SLC22A3: variants seen among roughly 807,000 people sequenced by gnomAD.
SLC22A3 encodes the protein EMT organic cation transporter 3.
SLC22A3 carries 51 observed loss-of-function variants against 59.1 expected under a neutral mutation model. The observed-to-expected ratio is 0.86, with a 90% CI of 0.69 to 1.09. The LOEUF (loss-of-function observed/expected upper bound fraction) is 1.09, where lower values mean the gene tolerates loss of function less well. SLC22A3 is among the 50% of genes least tolerant of loss of function. The pLI is 0.00. For synonymous variants in SLC22A3, 325 were observed against 292.0 expected, an observed-to-expected ratio of 1.11 and a Z score of -1.15; for missense variants, 711 against 726.3, an observed-to-expected ratio of 0.98 and a Z score of 0.24.
At chr6:160,418,544 G>C (rs1787602479) in intron 5 of SLC22A3, among the ~76,000 whole-genome samples, 1 of 152,098 alleles carries the variant, frequency 6.6e-6, no homozygotes, top group African/African-American at 2.4e-5. Flanking sequence ...TATCAGTTTT[G>C]TCCCTCTAGA....
chr6:160,400,830 G>A (rs1452770286), intron 2 of SLC22A3, among the ~76,000 whole-genome samples: 3 of 151,756 alleles, frequency 2.0e-5, no homozygotes, highest in African/African-American at 7.3e-5. Context: ...TAGAGAGATG[G>A]AAATTCTAAA....
At chr6:160,391,187 G>T (rs936877967) in intron 1 of SLC22A3, among the ~76,000 whole-genome samples, 1 of 152,306 alleles carries the variant, frequency 6.6e-6, no homozygotes, top group Non-Finnish European at 1.5e-5. Flanking sequence ...AATGTAGGGT[G>T]TTGAGGGAGG....
chr6:160,395,585 T>G (rs909165399), intron 1 of SLC22A3, among the ~76,000 whole-genome samples: 1 of 152,252 alleles, frequency 6.6e-6, no homozygotes, highest in Admixed American at 6.5e-5. Flanking sequence ...TGAGAAATTA[T>G]TTCAGATAAA....
chr6:160,404,965 GAGGA>G (rs1439264338), intron 2 of SLC22A3, among the ~76,000 whole-genome samples: 1 of 149,866 alleles, frequency 6.7e-6, no homozygotes, highest in Non-Finnish European at 1.5e-5. Context: ...AAAACTCCTA[GAGGA>G]TGGGATAGGA....
intron 1 of SLC22A3, among the ~76,000 whole-genome samples, chr6:160,352,170 A>G (rs1784683329): frequency 6.6e-6 from 1 of 152,212 alleles, no homozygotes; most frequent in Admixed American, 6.5e-5. Context: ...TGGTCATTTA[A>G]ATCTCATACA....
At chr6:160,361,880 A>T (rs1436646478) in intron 1 of SLC22A3, among the ~76,000 whole-genome samples, 1 of 152,248 alleles carries the variant, frequency 6.6e-6, no homozygotes, top group Non-Finnish European at 1.5e-5. Flanking sequence ...GACTAAGCAC[A>T]TGAAGAAATG....
At position 160,398,738 on chromosome 6, in the gene SLC22A3, C is replaced by T. The variant is rs114831160; in HGVS notation, c.533+656C>T. The stretch of plus-strand genomic sequence containing the variant: ...TTCATGTTTAACTCTATTTTTAATT[C>T]CAATTCTAACTATGAAAATACTTGC... On this transcript the variant is annotated intron_variant, in intron 2 of 10. Transcript: ENST00000275300. Among the ~76,000 whole-genome samples the T allele has an allele frequency of 9.0e-3, 1,363 of 152,188 alleles. 23 individuals carry two copies. Among genetic ancestry groups the T allele is most frequent in the African/African-American group, 0.031 (1,286 of 41,530 alleles).
chr6:160,348,756 C>A lies in SLC22A3; in HGVS notation c.337C>A (p.Pro113Thr), dbSNP rs899637707. Residue 113 changes from proline (P) to threonine (T), a missense_variant, in exon 1 of 11, where the codon CCA (proline) becomes ACA (threonine). Pro to Thr is a conservative substitution (Grantham distance 38, BLOSUM62 -1). Transcript: ENST00000275300. The stretch of plus-strand genomic sequence containing the variant: ...CACTAGCGCTCTCAGCTGCGCGGAC[C>A]CACTCGCCGCCTTCCCCAACCGCTC... ...SATSALSCAD[P>T]LAAFPNRSAP... 1.9e-6 allele frequency: 3 copies of A among 1,541,096 alleles called. No individual in the cohort carries two copies. Among genetic ancestry groups the A allele is most frequent in the Admixed American group, 3.8e-5 (2 of 52,428 alleles).
chr6:160,449,171 C>A (rs1254076289), intron 10 of SLC22A3, among the ~76,000 whole-genome samples: 1 of 152,106 alleles, frequency 6.6e-6, no homozygotes, highest in African/African-American at 2.4e-5. Flanking sequence ...GACTTTTCTA[C>A]TGCTTCAGTA....
At chr6:160,388,652 G>A (rs182211122) in intron 1 of SLC22A3, among the ~76,000 whole-genome samples, 289 of 152,260 alleles carry the variant, frequency 1.9e-3, no homozygotes, top group African/African-American at 6.4e-3. Flanking sequence ...CTTATTGTGA[G>A]TCCAGTCCCC....
At chr6:160,378,500 A>G (rs1785676750) in intron 1 of SLC22A3, among the ~76,000 whole-genome samples, 1 of 152,226 alleles carries the variant, frequency 6.6e-6, no homozygotes, top group Admixed American at 6.5e-5. Flanking sequence ...AAGGGCTACC[A>G]TAATGTTGAA....
chr6:160,384,589 A>C (rs897334100), intron 1 of SLC22A3, among the ~76,000 whole-genome samples: 1 of 152,102 alleles, frequency 6.6e-6, no homozygotes, highest in Non-Finnish European at 1.5e-5. Flanking sequence ...GGCTGAACAC[A>C]AGAGAATCGT....
At position 160,418,879 on chromosome 6, in the gene SLC22A3, A is replaced by G. The variant is rs1787616259; in HGVS notation, c.975+8033A>G. On this transcript the variant is annotated intron_variant, in intron 5 of 10. Coordinates refer to ENST00000275300, the MANE Select transcript of SLC22A3 (RefSeq NM_021977.4). The stretch of plus-strand genomic sequence containing the variant: ...TATCCTATACTGGCGCAATAAACCC[A>G]TAAGCTTTGATCGTAGTTTCCTTAT... 2.0e-5 allele frequency among the ~76,000 whole-genome samples: 3 copies of G among 152,236 alleles called. No homozygotes were observed. In the South Asian group the frequency reaches 6.2e-4, roughly 32 times the overall value.
chr6:160,433,920 A>G (rs1330466042), intron 5 of SLC22A3, among the ~76,000 whole-genome samples: 1 of 152,224 alleles, frequency 6.6e-6, no homozygotes, highest in African/African-American at 2.4e-5. Context: ...AGCCAGTAAT[A>G]AATTGCTGTG....
At chr6:160,388,681 A>G (rs974805261) in intron 1 of SLC22A3, among the ~76,000 whole-genome samples, 1 of 152,208 alleles carries the variant, frequency 6.6e-6, no homozygotes, top group African/African-American at 2.4e-5. Flanking sequence ...GCCTGTCTAC[A>G]TTGTGCTTCT....
At chr6:160,410,870 CA>C in intron 5 of SLC22A3, 24 bp downstream of exon 5, 1 of 1,363,660 alleles carries the variant, frequency 7.3e-7, no homozygotes, top group South Asian at 1.2e-5. Flanking sequence ...GTATGAGTAA[CA>C]AATATTGCTA....
intron 1 of SLC22A3, among the ~76,000 whole-genome samples, chr6:160,385,008 A>G (rs1307991627): frequency 6.6e-6 from 1 of 152,192 alleles, no homozygotes. Flanking sequence ...TCTGGCTGCC[A>G]GTGGGCAGCT....
chr6:160,398,653 A>G (rs1199407155), intron 2 of SLC22A3, among the ~76,000 whole-genome samples: 13 of 152,242 alleles, frequency 8.5e-5, no homozygotes, highest in Admixed American at 8.5e-4. Flanking sequence ...TATATTCAAG[A>G]CATCATGCTT....
At position 160,437,609 on chromosome 6, in the gene SLC22A3, G is replaced by A. The variant is rs112526693; in HGVS notation, c.1288+398G>A. Among the ~76,000 whole-genome samples the A allele has an allele frequency of 3.0e-3, 454 of 152,262 alleles. 3 individuals are homozygous for A. The highest frequency in any genetic ancestry group is 4.4e-3 in the Admixed American group (68 of 15,304). The stretch of plus-strand genomic sequence containing the variant: ...GAAGAACGCAGTCTTGACTTCGAAT[G>A]GTTCACAATCTATTAAGGGATACAG... On this transcript the variant is annotated intron_variant, in intron 7 of 10. Transcript: ENST00000275300.
Sources: gnomAD v4.1 joint callset for allele counts (sites outside exome capture counted in the v4.1 genomes callset) on GRCh38, gnomAD v4.1.1 for gene constraint, MANE v1.5 for transcripts, NCBI Gene and HGNC (gene_info 2026-07-23, HGNC 2026-07-21) for gene names.